The following LRP11 variants were observed in gnomAD, a reference collection of about 807,000 sequenced individuals.
LRP11 encodes the protein LDL receptor related protein 11.
Under a neutral mutation model 43.1 loss-of-function variants are expected in LRP11, and 25 were observed. The observed-to-expected ratio is 0.58, with a 90% CI of 0.42 to 0.81. The LOEUF (loss-of-function observed/expected upper bound fraction) is 0.81, where lower values mean the gene tolerates loss of function less well. Ranked by LOEUF, LRP11 falls within the 30% of genes least tolerant of loss-of-function variation. The pLI, the probability that LRP11 is intolerant of heterozygous loss-of-function variation, is 0.00. For missense variants in LRP11, 623 were observed against 665.1 expected, an observed-to-expected ratio of 0.94 and a Z score of 0.70; for synonymous variants, 316 against 299.4, an observed-to-expected ratio of 1.06 and a Z score of -0.57.
intron 1 of LRP11, among the ~76,000 whole-genome samples, chr6:149,862,312 C>T (rs1339715025): frequency 6.6e-6 from 1 of 152,154 alleles, no homozygotes; most frequent in Non-Finnish European, 1.5e-5. Flanking sequence ...GGCTGAGCTC[C>T]GCCCCCATCT....
rs1396848109 is a variant in LRP11 at position 149,864,120 on chromosome 6, G to A, written c.-100C>T. ...GGCCCTGGGCCCCTCCTGCGCGGCC[G>A]CGGCTGGCTCTAGGCCCCGGCCTCA... On this transcript the variant is annotated 5_prime_UTR_variant, in exon 1 of 7. Coordinates refer to ENST00000239367, the MANE Select transcript of LRP11 (RefSeq NM_032832.6). 1 of 1,184,238 alleles carries A rather than the reference G, an allele frequency of 8.4e-7. No individual in the cohort carries two copies. The highest frequency in any genetic ancestry group is 4.6e-5 in the Admixed American group (1 of 21,802). 73.4% of individuals were successfully genotyped at this position (1,184,238 alleles called of 1,614,324 possible).
At chr6:149,856,868 G>C (rs1443301631) in intron 1 of LRP11, among the ~76,000 whole-genome samples, 1 of 152,188 alleles carries the variant, frequency 6.6e-6, no homozygotes, top group Non-Finnish European at 1.5e-5. Flanking sequence ...AAAGAACCCT[G>C]AAGTCAGGGT....
intron 3 of LRP11, 31 bp from the exon 4 acceptor site, chr6:149,837,494 G>A: frequency 1.2e-6 from 2 of 1,607,170 alleles, no homozygotes; most frequent in South Asian, 2.2e-5. Flanking sequence ...AGTCACACGA[G>A]TGCAGAAGTT....
chr6:149,859,396 A>ATATATATATATATATTTTTT, intron 1 of LRP11, among the ~76,000 whole-genome samples: 5 of 71,496 alleles, frequency 7.0e-5, no homozygotes, highest in Admixed American at 1.7e-4. Context: ...ATATATATAT[A>ATATATATATATATATTTTTT]TTTTTTTTTT....
At chr6:149,846,953 T>TATAGAATAGAATAGAATAGAATAG (rs1554259656) in intron 2 of LRP11, among the ~76,000 whole-genome samples, 3 of 131,414 alleles carry the variant, frequency 2.3e-5, no homozygotes, top group African/African-American at 8.8e-5. Flanking sequence ...TAAAATAAAA[T>TATAGAATAGAATAGAATAGAATAG]AATAGAATAG....
At chr6:149,844,537 G>A (rs924966094) in intron 2 of LRP11, among the ~76,000 whole-genome samples, 3 of 152,164 alleles carry the variant, frequency 2.0e-5, no homozygotes, top group African/African-American at 7.2e-5. Context: ...AGTCACTGCT[G>A]GACAGTCAGC....
At chr6:149,820,953 T>G (rs1776271031) in intron 6 of LRP11, among the ~76,000 whole-genome samples, 1 of 140,174 alleles carries the variant, frequency 7.1e-6, no homozygotes, top group Admixed American at 7.1e-5. Context: ...TTTTTTGAGA[T>G]GGAGTCTTGC....
intron 1 of LRP11, among the ~76,000 whole-genome samples, chr6:149,862,820 T>C (rs962938911): frequency 7.2e-5 from 11 of 152,124 alleles, no homozygotes; most frequent in South Asian, 2.1e-4. Context: ...CCTCAGGTGA[T>C]CCGCCCTCCT....
At chr6:149,859,884 G>A (rs999618536) in intron 1 of LRP11, among the ~76,000 whole-genome samples, 8 of 151,760 alleles carry the variant, frequency 5.3e-5, no homozygotes, top group Non-Finnish European at 1.2e-4. Flanking sequence ...GTTTTTTTAT[G>A]TATGGAGTAA....
Position 149,825,439 on chromosome 6 carries a change from G to A in LRP11, c.1348+825C>T, listed in dbSNP as rs556637652. The stretch of plus-strand genomic sequence containing the variant: ...CTAAGACCTTTACTCTTCTTTCATC[G>A]TAAATAACTGAGTAATAACTGCCAT... On this transcript the variant is annotated intron_variant, in intron 6 of 6. Transcript: ENST00000239367. Among the ~76,000 whole-genome samples the A allele has an allele frequency of 2.0e-4, 30 of 152,140 alleles. 1 individual carries two copies. The South Asian group carries it at 5.6e-3, about 28-fold the overall frequency.
At position 149,864,335 on chromosome 6, in the gene LRP11, T is replaced by A. The variant is rs1777006439; in HGVS notation, c.-315A>T. ...GGCGACGAGTCGGCCTCGGCGTTGA[T>A]CAGCACCAGGTGTGTGCGAACAGTG... is the stretch of plus-strand genomic sequence containing the variant. On this transcript the variant is annotated 5_prime_UTR_variant, in exon 1 of 7. Coordinates refer to ENST00000239367, the MANE Select transcript of LRP11 (RefSeq NM_032832.6). 3.0e-6 allele frequency: 3 copies of A among 1,010,262 alleles called. No individual in the cohort carries two copies. Among genetic ancestry groups the A allele is most frequent in the Non-Finnish European group, 3.5e-6 (3 of 846,710 alleles). The allele number at this position is 1,010,262 out of a possible 1,614,324, so 62.6% of individuals were successfully genotyped here. A position where few individuals can be genotyped will look rare whatever the true frequency, so the allele number is the denominator to read the frequency against.
chr6:149,825,907 C>T (rs1456526121), intron 6 of LRP11, among the ~76,000 whole-genome samples: 1 of 152,196 alleles, frequency 6.6e-6, no homozygotes, highest in African/African-American at 2.4e-5. Context: ...CCTTGGCCTC[C>T]CAAAGTGCTG....
rs185599052 is a variant in LRP11, at chr6:149,847,268, C to T, written c.772-4144G>A. On this transcript the variant is annotated intron_variant, in intron 2 of 6. Transcript: ENST00000239367. ...CCTCACACCTGGCCTTGGCATGCTTCCCCCCTGCCTGCCCAGGCACTGCCT... is the reference window on the plus strand; with the variant it reads ...CCTCACACCTGGCCTTGGCATGCTTTCCCCCTGCCTGCCCAGGCACTGCCT... Among the ~76,000 whole-genome samples the T allele has an allele frequency of 2.1e-3, 321 of 152,312 alleles. 1 individual carries two copies. The highest frequency in any genetic ancestry group is 7.3e-3 in the African/African-American group (305 of 41,560).
Position 149,836,068 on chromosome 6 carries a change from C to T in LRP11, c.1252+17G>A. The T allele has an allele frequency of 6.2e-7, 1 of 1,608,340 alleles. No homozygotes were observed. Among genetic ancestry groups the T allele is most frequent in the Non-Finnish European group, 8.5e-7 (1 of 1,174,870 alleles). ...GAAAACAAGGTTCTTCATTGAGAAC[C>T]CACCGTGAATCCTTACCTGGCATCA... On this transcript the variant is annotated intron_variant, in intron 5 of 6. Transcript: ENST00000239367.
chr6:149,858,779 C>A (rs1054991783), intron 1 of LRP11, among the ~76,000 whole-genome samples: 1 of 152,202 alleles, frequency 6.6e-6, no homozygotes, highest in Admixed American at 6.5e-5. Context: ...GTTTCCTAAT[C>A]TGTACTACTG....
chr6:149,857,058 T>C (rs957876836), intron 1 of LRP11, among the ~76,000 whole-genome samples: 1 of 152,206 alleles, frequency 6.6e-6, no homozygotes, highest in African/African-American at 2.4e-5. Flanking sequence ...ATAATTATAA[T>C]AGTTGCCATT....
At position 149,836,285 on chromosome 6, in the gene LRP11, C is replaced by A; in HGVS notation, c.1052G>T (p.Arg351Leu). Residue 351 changes from arginine to leucine, a missense_variant, in exon 5 of 7, where the codon CGC becomes CTC. Physicochemically the swap from Arg to Leu is moderately radical, Grantham distance 102. Transcript: ENST00000239367. ...AGCTGCCGTGTGGGTTACCATCTTGCGGTCCAGGCCCACTGAAGTGTGGAA... is the reference window on the plus strand; with the variant it reads ...AGCTGCCGTGTGGGTTACCATCTTGAGGTCCAGGCCCACTGAAGTGTGGAA... ...EDFCQNLGLD[R>L]KMVTHTAASP... is the part of the protein sequence containing the mutation. 6.2e-7 allele frequency: 1 copy of A among 1,614,084 alleles called. No individual in the cohort carries two copies. The highest frequency in any genetic ancestry group is 8.5e-7 in the Non-Finnish European group (1 of 1,179,988).
At chr6:149,839,939 T>C (rs749013616) in intron 3 of LRP11, among the ~76,000 whole-genome samples, 12 of 152,384 alleles carry the variant, frequency 7.9e-5, no homozygotes, top group Non-Finnish European at 8.8e-5. Context: ...TAAACTCTGC[T>C]GTCTTCTTTC....
At chr6:149,848,086 T>G (rs1276237457) in intron 2 of LRP11, among the ~76,000 whole-genome samples, 1 of 152,182 alleles carries the variant, frequency 6.6e-6, no homozygotes, top group Admixed American at 6.5e-5. Flanking sequence ...CAAGGTCACA[T>G]GTTCAAACCT....
Sources: allele counts gnomAD v4.1 joint callset (sites outside exome capture counted in the v4.1 genomes callset), GRCh38; gene constraint gnomAD v4.1.1; transcripts MANE v1.5; gene names NCBI Gene and HGNC (gene_info 2026-07-23, HGNC 2026-07-21).